Variants in IL4R observed in about 807,000 individuals in gnomAD.
IL4R encodes the protein interleukin 4 receptor.
In IL4R, 17 loss-of-function variants were observed where a neutral mutation model predicts 41.5. That is an observed-to-expected ratio of 0.41 (90% CI 0.28 to 0.61). The LOEUF (loss-of-function observed/expected upper bound fraction) is 0.61. Among genes scored for constraint, IL4R ranks in the 20% least tolerant of loss-of-function variants. The pLI, the probability that IL4R is intolerant of heterozygous loss-of-function variation, is 0.31. For missense variants in IL4R, 974 were observed against 1,043.1 expected (o/e 0.93, Z 0.91); for synonymous variants, 402 against 422.9 (o/e 0.95, Z 0.61).
intron 1 of IL4R, among the ~76,000 whole-genome samples, chr16:27,322,970 A>G (rs1158393638): frequency 6.6e-6 from 1 of 151,494 alleles, no homozygotes; most frequent in Non-Finnish European, 1.5e-5. Flanking sequence ...TTAGGCCCAG[A>G]GTTATGCTTC....
chr16:27,342,769 C>T (rs2085483742), intron 4 of IL4R, among the ~76,000 whole-genome samples: 3 of 152,190 alleles, frequency 2.0e-5, no homozygotes, highest in African/African-American at 7.2e-5. Flanking sequence ...GCTGGGATTA[C>T]AAGCGTGAGC....
chr16:27,360,040 C>T (rs774598842), intron 9 of IL4R, among the ~76,000 whole-genome samples: 8 of 149,328 alleles, frequency 5.4e-5, no homozygotes, highest in African/African-American at 1.2e-4. Context: ...TTTTCTGAGA[C>T]GGAGTTTTGC....
chr16:27,342,576 G>A (rs1365433767), intron 4 of IL4R, among the ~76,000 whole-genome samples: 1 of 152,196 alleles, frequency 6.6e-6, no homozygotes. Context: ...GGGCTTTGGT[G>A]TAGGTAACAC....
intron 1 of IL4R, among the ~76,000 whole-genome samples, chr16:27,324,139 G>A (rs2084890931): frequency 6.6e-6 from 1 of 152,208 alleles, no homozygotes; most frequent in South Asian, 2.1e-4. Context: ...CCTCAAGAAG[G>A]AGGCCAGCTA....
At chr16:27,341,391 A>G in intron 3 of IL4R, 2 of 583,770 alleles carry the variant, frequency 3.4e-6, no homozygotes, top group Non-Finnish European at 3.1e-6. Context: ...GCTATCTAAG[A>G]CAGCTCCTTA....
chr16:27,333,221 G>A (rs1206306908), intron 2 of IL4R, among the ~76,000 whole-genome samples: 1 of 149,572 alleles, frequency 6.7e-6, no homozygotes, highest in South Asian at 2.1e-4. Flanking sequence ...TTAAGTTGCT[G>A]CTTCACCATT....
At chr16:27,355,685 T>C in intron 7 of IL4R, 123 bp from the exon 8 acceptor site, 2 of 634,320 alleles carry the variant, frequency 3.2e-6, no homozygotes, top group Non-Finnish European at 2.8e-6. Context: ...GGAGGGGTGG[T>C]CGGCGGTCAG....
rs185077523 is a variant in IL4R, at chr16:27,332,097, C to T, written c.-19+1899C>T. Among the ~76,000 whole-genome samples, 22 of 152,160 alleles carry T rather than the reference C, an allele frequency of 1.4e-4. No homozygotes were observed. The East Asian group carries it at 4.2e-3, about 29-fold the overall frequency. On this transcript the variant is annotated intron_variant, in intron 2 of 10. Transcript: ENST00000395762. The stretch of plus-strand genomic sequence containing the variant: ...GGCTCAAGTGATCCTCCTGCCTCAG[C>T]CTTCCCAGTAGCTGGGGCTACAGGC...
intron 7 of IL4R, among the ~76,000 whole-genome samples, chr16:27,354,504 A>G (rs1567330266): frequency 6.6e-6 from 1 of 152,206 alleles, no homozygotes; most frequent in East Asian, 1.9e-4. Flanking sequence ...AGACTGTTAC[A>G]TGTTACATGG....
At chr16:27,331,753 CAA>C (rs1387334054) in intron 2 of IL4R, among the ~76,000 whole-genome samples, 1 of 151,962 alleles carries the variant, frequency 6.6e-6, no homozygotes, top group African/African-American at 2.4e-5. Context: ...TGTCGATTAC[CAA>C]AAGAGTTGAA....
chr16:27,353,443 T>G lies in IL4R; in HGVS notation c.670+747T>G, dbSNP rs191868393. The stretch of plus-strand genomic sequence containing the variant: ...TTTTTAATCTAGAGATATATGTGCT[T>G]CTTTATTAAGATCTATAAATAATAA... On this transcript the variant is annotated intron_variant, in intron 7 of 10. Coordinates refer to ENST00000395762, the MANE Select transcript of IL4R (RefSeq NM_000418.4). 2.8e-3 allele frequency among the ~76,000 whole-genome samples: 422 copies of G among 152,340 alleles called. 1 individual carries two copies. Among genetic ancestry groups the G allele is most frequent in the Non-Finnish European group, 4.1e-3 (282 of 68,040 alleles).
intron 8 of IL4R, among the ~76,000 whole-genome samples, chr16:27,356,304 G>T (rs1235964668): frequency 1.3e-5 from 2 of 151,938 alleles, no homozygotes; most frequent in Non-Finnish European, 2.9e-5. Context: ...TGTTGGTCAG[G>T]CTGGTCTCGA....
At chr16:27,315,166 C>G (rs1477136333) in intron 1 of IL4R, among the ~76,000 whole-genome samples, 2 of 152,172 alleles carry the variant, frequency 1.3e-5, no homozygotes, top group African/African-American at 4.8e-5. Context: ...CTATGAGGAG[C>G]CCAAGGCATT....
At position 27,362,120 on chromosome 16, in the gene IL4R, G is replaced by A. The variant is rs954065726; in HGVS notation, c.900-132G>A. On this transcript the variant is annotated intron_variant, in intron 10 of 10. Transcript: ENST00000395762. Reference sequence around the variant, plus strand: ...TAGCAACATAGACTGATCAATTACTGATTATAACGTTAGAAGGCATGTCTG... The same window carrying A: ...TAGCAACATAGACTGATCAATTACTAATTATAACGTTAGAAGGCATGTCTG... The A allele has an allele frequency of 9.4e-5, 81 of 863,364 alleles. 1 individual carries two copies. The South Asian group carries it at 1.3e-3, about 14-fold the overall frequency. The allele number at this position is 863,364 out of a possible 1,614,324, so 53.5% of individuals were successfully genotyped here. A position where few individuals can be genotyped will look rare whatever the true frequency, so the allele number is the denominator to read the frequency against.
In IL4R at chr16:27,362,828, A is replaced by C. The variant is rs745362323; in HGVS notation, c.1476A>C (p.Ala492=). ...GCACAGAGACGCCCCTCGTCATCGC[A>C]GGCAACCCTGCTTACCGCAGCTTCA... The part of the protein sequence containing the change: ...LTCTETPLVI[A]GNPAYRSFSN... Residue 492 remains alanine, a synonymous_variant, in exon 11 of 11, where the codon GCA becomes GCC. Transcript: ENST00000395762. 11 of 1,613,994 alleles carry C rather than the reference A, an allele frequency of 6.8e-6. No individual in the cohort carries two copies. The highest frequency in any genetic ancestry group is 1.7e-5 in the Admixed American group (1 of 60,002).
rs1805013 is a variant in IL4R, at chr16:27,362,659, C to T, written c.1307C>T (p.Ser436Leu). The change falls in exon 11 of 11, where the codon TCG becomes TTG. Residue 436 changes from serine to leucine, a missense_variant. This residue lies in a region of IL4R where 682 missense variants were observed against 704.3 expected (regional missense o/e 0.97). Transcript: ENST00000395762. ...GGGGAGTCATGCCTTCTTCCACCTT[C>T]GGGAAGTACGAGTGCTCACATGCCC... is the stretch of plus-strand genomic sequence containing the variant. ...DMGESCLLPPSGSTSAHMPWD... is the reference protein window; with the variant it reads ...DMGESCLLPPLGSTSAHMPWD... The T allele has an allele frequency of 0.042, 67,924 of 1,614,050 alleles. 1,594 individuals are homozygous for T. Among genetic ancestry groups the T allele is most frequent in the Middle Eastern group, 0.082 (497 of 6,062 alleles).
intron 5 of IL4R, among the ~76,000 whole-genome samples, chr16:27,346,001 G>T (rs1280182899): frequency 1.3e-5 from 2 of 151,128 alleles, no homozygotes; most frequent in African/African-American, 4.9e-5. Context: ...AAAATAAAAA[G>T]ATTTTTTAAA....
At chr16:27,353,882 C>A (rs1567329708) in intron 7 of IL4R, among the ~76,000 whole-genome samples, 1 of 152,194 alleles carries the variant, frequency 6.6e-6, no homozygotes, top group Non-Finnish European at 1.5e-5. Flanking sequence ...CATCCAAGTT[C>A]TCAGACCCCT....
rs981809493 is a variant in IL4R at position 27,325,471 on chromosome 16, G to A, written c.-151-4595G>A. ...CACCTGTAGTCCCAGCTACTCGGGA[G>A]ACTGAGGCAGGAGAACTACTTGAAC... On this transcript the variant is annotated intron_variant, in intron 1 of 10. Transcript: ENST00000395762. Among the ~76,000 whole-genome samples the A allele has an allele frequency of 2.0e-5, 3 of 152,014 alleles. No homozygotes were observed. In the East Asian group the frequency reaches 5.8e-4, roughly 29 times the overall value.
Sources: allele counts gnomAD v4.1 joint callset (sites outside exome capture counted in the v4.1 genomes callset), GRCh38; gene constraint gnomAD v4.1.1; regional missense constraint gnomAD v4.1.1; transcripts MANE v1.5; gene names NCBI Gene and HGNC (gene_info 2026-07-23, HGNC 2026-07-21).